The following BICRA variants were observed in gnomAD, a reference collection of about 807,000 sequenced individuals.
BICRA encodes BRD4-interacting chromatin-remodeling complex-associated protein.
In BICRA, 31 loss-of-function variants were observed where a neutral mutation model predicts 96.9. The ratio of observed to expected loss-of-function variants is 0.32; its 90% CI spans 0.24 to 0.43. The LOEUF (loss-of-function observed/expected upper bound fraction) is 0.43. BICRA is among the 20% of genes least tolerant of loss of function. The pLI, the probability that BICRA is intolerant of heterozygous loss-of-function variation, is 1.00. For synonymous variants in BICRA, 1,350 were observed against 1,071.8 expected (o/e 1.26, Z -5.07); for missense variants, 2,283 against 2,190.3 (o/e 1.04, Z -0.84).
At chr19:47,689,169 A>C (rs1973203147) in intron 7 of BICRA, among the ~76,000 whole-genome samples, 1 of 152,018 alleles carries the variant, frequency 6.6e-6, no homozygotes, top group Non-Finnish European at 1.5e-5. Context: ...AAGAAGTAAT[A>C]TTTTGGTATG....
upstream of BICRA, among the ~76,000 whole-genome samples, chr19:47,608,835 A>G (rs1485748905): frequency 7.0e-6 from 1 of 143,572 alleles, no homozygotes; most frequent in Non-Finnish European, 1.5e-5. Flanking sequence ...GGGCGGAGGG[A>G]AGAGGAGGAG....
intron 7 of BICRA, among the ~76,000 whole-genome samples, chr19:47,685,796 C>A (rs56012940): frequency 7.4e-6 from 1 of 136,036 alleles, no homozygotes. Flanking sequence ...TGCGCGCGCG[C>A]GCGCATGCGT....
At chr19:47,693,787 C>T (rs1011804838) in intron 7 of BICRA, among the ~76,000 whole-genome samples, 30 of 152,208 alleles carry the variant, frequency 2.0e-4, no homozygotes, top group African/African-American at 7.2e-4. Context: ...TCTGCTGCTG[C>T]CACCCCAACC....
At chr19:47,629,653 A>AT (rs201686308) in intron 1 of BICRA, among the ~76,000 whole-genome samples, 13 of 149,986 alleles carry the variant, frequency 8.7e-5, no homozygotes, top group East Asian at 3.9e-4. Flanking sequence ...GCAAATATCT[A>AT]TTTTTTTTGT....
chr19:47,684,463 G>A (rs994238038), intron 7 of BICRA, among the ~76,000 whole-genome samples: 2 of 152,088 alleles, frequency 1.3e-5, no homozygotes, highest in African/African-American at 2.4e-5. Flanking sequence ...ATTTACAGGC[G>A]CCCGCCACCA....
chr19:47,646,681 G>A (rs889703579), intron 1 of BICRA, among the ~76,000 whole-genome samples: 7 of 152,140 alleles, frequency 4.6e-5, no homozygotes, highest in Non-Finnish European at 7.3e-5. Context: ...GAGACACAGC[G>A]AGGTGAAGTA....
In BICRA at chr19:47,698,930, C is replaced by T. The variant is rs1295588072; in HGVS notation, c.3398-35C>T. 6.7e-7 allele frequency: 1 copy of T among 1,501,968 alleles called. No individual in the cohort carries two copies. Among genetic ancestry groups the T allele is most frequent in the South Asian group, 1.2e-5 (1 of 83,728 alleles). 93.0% of individuals were successfully genotyped at this position (1,501,968 alleles called of 1,614,324 possible). ...CCTGCGCATCCGCGGCCGCCCCCAA[C>T]ATCTCCGCCCTTGCCTCTCTTCCCT... On this transcript the variant is annotated intron_variant, in intron 12 of 14. Transcript: ENST00000594866. This position sits in a 1 kb window ranked among gnomAD's most constrained non-coding sequence, Gnocchi z 4.8.
chr19:47,699,432 G>A lies in BICRA; in HGVS notation c.3595+27G>A. On this transcript the variant is annotated intron_variant, in intron 14 of 14. Coordinates refer to ENST00000594866, the MANE Select transcript of BICRA (RefSeq NM_001394372.1). The surrounding 1 kb of genome is among the most constrained non-coding windows in gnomAD (Gnocchi z 5.0). ...TGAGAGGGGGGAGTGAGAGGGGAGG[G>A]GAGGGAGAGGTGCCCCCACCCCACC... 2 of 1,298,186 alleles carry A rather than the reference G, an allele frequency of 1.5e-6. No individual in the cohort carries two copies. The highest frequency in any genetic ancestry group is 2.2e-6 in the Non-Finnish European group (2 of 915,620). The allele number at this position is 1,298,186 out of a possible 1,614,324, so 80.4% of individuals were successfully genotyped here.
chr19:47,698,643 G>A lies in BICRA; in HGVS notation c.3258G>A (p.Glu1086=), dbSNP rs1243919518. ...CCCTTTCCACCCGCAGTTTCCTGGA[G>A]CATTTGCACAAACACCAGGGCTCCG... ...LQPSKEACFL[E]HLHKHQGSVL... is the part of the protein sequence containing the mutation. The change falls in exon 12 of 15, where the codon GAG becomes GAA. Residue 1086 remains glutamate (E), a synonymous_variant. Coordinates refer to ENST00000594866, the MANE Select transcript of BICRA (RefSeq NM_001394372.1). This position sits in a 1 kb window ranked among gnomAD's most constrained non-coding sequence, Gnocchi z 4.8. 6 of 1,543,604 alleles carry A rather than the reference G, an allele frequency of 3.9e-6. No individual in the cohort carries two copies. The African/African-American group carries it at 4.1e-5, about 11-fold the overall frequency.
Position 47,702,456 on chromosome 19 carries a change from A to ACGCCGGGACAGC in BICRA, c.*52_*53insCCGCCGGGACAG. ...CCTTCCCCGTCCCCTCCTCCCGAAG[A>ACGCCGGGACAGC]CGCCGGGACAGTCGGGTGTCCGCCC... On this transcript the variant is annotated 3_prime_UTR_variant, in exon 15 of 15. Transcript: ENST00000594866. The ACGCCGGGACAGC allele has an allele frequency of 7.0e-7, 1 of 1,433,570 alleles. No individual in the cohort carries two copies. The highest frequency in any genetic ancestry group is 9.0e-7 in the Non-Finnish European group (1 of 1,105,606). 88.8% of individuals were successfully genotyped at this position (1,433,570 alleles called of 1,614,324 possible).
Position 47,702,464 on chromosome 19 carries a change from A to G in BICRA, c.*49A>G. 3 of 1,426,048 alleles carry G rather than the reference A, an allele frequency of 2.1e-6. 1 individual carries two copies. In the South Asian group the frequency reaches 4.4e-5, roughly 21 times the overall value. 88.3% of individuals were successfully genotyped at this position (1,426,048 alleles called of 1,614,324 possible). ...GTCCCCTCCTCCCGAAGACGCCGGG[A>G]CAGTCGGGTGTCCGCCCTCAGCCTC... is the stretch of plus-strand genomic sequence containing the variant. On this transcript the variant is annotated 3_prime_UTR_variant, in exon 15 of 15. Coordinates refer to ENST00000594866, the MANE Select transcript of BICRA (RefSeq NM_001394372.1).
chr19:47,625,075 C>T (rs1455625584), intron 1 of BICRA, among the ~76,000 whole-genome samples: 1 of 143,578 alleles, frequency 7.0e-6, no homozygotes, highest in Non-Finnish European at 1.5e-5. Flanking sequence ...TCTCAGCTCA[C>T]TGCAACCTCC....
chr19:47,695,461 C>T lies in BICRA; in HGVS notation c.3173C>T (p.Pro1058Leu), dbSNP rs1203719763. The T allele has an allele frequency of 1.3e-6, 2 of 1,559,354 alleles. No individual in the cohort carries two copies. Among genetic ancestry groups the T allele is most frequent in the South Asian group, 1.2e-5 (1 of 86,210 alleles). Residue 1058 changes from proline to leucine, a missense_variant, in exon 10 of 15, where the codon CCC becomes CTC. Pro to Leu is a moderately conservative substitution (Grantham distance 98, BLOSUM62 -3). Transcript: ENST00000594866. ...AKAASSGPGK[P>L]SGLQYESKLS... is the part of the protein sequence containing the mutation. ...GCCGCTTCCTCCGGGCCAGGGAAGC[C>T]CTCCGGGCTGCAGGTAAGGGGCCCT... is the stretch of plus-strand genomic sequence containing the variant.
At chr19:47,624,179 A>G (rs1249675039) in intron 1 of BICRA, among the ~76,000 whole-genome samples, 1 of 152,044 alleles carries the variant, frequency 6.6e-6, no homozygotes, top group Non-Finnish European at 1.5e-5. Context: ...CCCTCAGGTA[A>G]AACCTCTTCA....
At chr19:47,617,946 T>C (rs528695340) in intron 1 of BICRA, among the ~76,000 whole-genome samples, 6 of 152,356 alleles carry the variant, frequency 3.9e-5, no homozygotes, top group African/African-American at 1.4e-4. Context: ...GAGTCTGTCC[T>C]GTTCTATGAA....
Position 47,679,879 on chromosome 19 carries a change from G to C in BICRA, c.709G>C (p.Val237Leu). ...AATLGLAPIQ[V>L]VGQPVMALNT... ...CACACTGGGCCTGGCGCCCATCCAG[G>C]TGGTGGGCCAGCCCGTCATGGCGCT... The change falls in exon 6 of 15, where the codon GTG becomes CTG. Residue 237 changes from valine to leucine, a missense_variant. Transcript: ENST00000594866. 1 of 1,518,924 alleles carries C rather than the reference G, an allele frequency of 6.6e-7. No homozygotes were observed. Among genetic ancestry groups the C allele is most frequent in the Non-Finnish European group, 8.8e-7 (1 of 1,139,420 alleles). 94.1% of individuals were successfully genotyped at this position (1,518,924 alleles called of 1,614,324 possible).
rs1377559075 is a variant in BICRA at position 47,685,784 on chromosome 19, T to TGCGCGC, written c.2283+3633_2283+3634insCGCGCG. ...GTGTGTGTGTGTGTGTGTGTGTGTG[T>TGCGCGC]GTGCGCGCGCGCGCGCATGCGTACA... is the stretch of plus-strand genomic sequence containing the variant. On this transcript the variant is annotated intron_variant, in intron 7 of 14. Transcript: ENST00000594866. Among the ~76,000 whole-genome samples the TGCGCGC allele has an allele frequency of 1.5e-3, 175 of 115,464 alleles. 1 individual carries two copies. The highest frequency in any genetic ancestry group is 8.9e-3 in the Admixed American group (100 of 11,188). The allele number at this position is 115,464 out of a possible 152,430, so 75.7% of individuals were successfully genotyped here. A position where few individuals can be genotyped will look rare whatever the true frequency, so the allele number is the denominator to read the frequency against.
In BICRA at chr19:47,699,039, C is replaced by A; in HGVS notation, c.3472C>A (p.Leu1158Met). 6.3e-7 allele frequency: 1 copy of A among 1,576,270 alleles called. No individual in the cohort carries two copies. The highest frequency in any genetic ancestry group is 8.6e-7 in the Non-Finnish European group (1 of 1,161,522). Residue 1158 changes from leucine to methionine, a missense_variant, in exon 13 of 15, where the codon CTG becomes ATG. Physicochemically the swap from Leu to Met is conservative, Grantham distance 15 (BLOSUM62 2). Coordinates refer to ENST00000594866, the MANE Select transcript of BICRA (RefSeq NM_001394372.1). This position sits in a 1 kb window ranked among gnomAD's most constrained non-coding sequence, Gnocchi z 5.0. ...TQAMLNKYRLLLLEESRRVSP... is the reference protein window; with the variant it reads ...TQAMLNKYRLMLLEESRRVSP... ...GGCCATGCTCAATAAATATCGGCTC[C>A]TGCTCCTGGAGGAGTCCCGGGTAGG...
At chr19:47,677,864 T>C (rs751770146) in intron 5 of BICRA, among the ~76,000 whole-genome samples, 1 of 152,226 alleles carries the variant, frequency 6.6e-6, no homozygotes, top group Non-Finnish European at 1.5e-5. Flanking sequence ...TCTCCAATTC[T>C]GGAAAAGTGG....
Sources: gnomAD v4.1 joint callset for allele counts (sites outside exome capture counted in the v4.1 genomes callset) on GRCh38, gnomAD v4.1.1 for gene constraint, Gnocchi (gnomAD v3.1) non-coding constraint, MANE v1.5 for transcripts, NCBI Gene and HGNC (gene_info 2026-07-23, HGNC 2026-07-21) for gene names.